NCAPD3: variants seen among roughly 807,000 people sequenced by gnomAD.
The protein encoded by NCAPD3 is condensin-2 complex subunit D3.
In NCAPD3, 105 loss-of-function variants were observed where a neutral mutation model predicts 182.9. That is an observed-to-expected ratio of 0.57 (90% CI 0.49 to 0.68). NCAPD3 has a LOEUF of 0.68. Among genes scored for constraint, NCAPD3 ranks in the 30% least tolerant of loss-of-function variants. The pLI is 0.00. For synonymous variants in NCAPD3, 815 were observed against 679.9 expected, an observed-to-expected ratio of 1.20 and a Z score of -3.09; for missense variants, 1,944 against 1,837.0, an observed-to-expected ratio of 1.06 and a Z score of -1.07.
At position 134,167,998 on chromosome 11, in the gene NCAPD3, G is replaced by C; in HGVS notation, c.3571C>G (p.Gln1191Glu). ...TCTTAGGGGAGCAACACACTCACTT[G>C]TGAGATGAGCTTCTTCTGAGCTTCC... ...MQEAQKKLIS[Q>E]VQKRNFIENI... Residue 1191 changes from glutamine to glutamate, a missense_variant and splice_region_variant, in exon 27 of 35, where the codon CAA becomes GAA. This residue lies in a region of NCAPD3 where 1,803 missense variants were observed against 1,674.6 expected (regional missense o/e 1.08). Coordinates refer to ENST00000534548, the MANE Select transcript of NCAPD3 (RefSeq NM_015261.3). 1 of 1,613,750 alleles carries C rather than the reference G, an allele frequency of 6.2e-7. No homozygotes were observed. The highest frequency in any genetic ancestry group is 1.1e-5 in the South Asian group (1 of 91,080).
At chr11:134,162,523 A>G (rs1354434470) in intron 27 of NCAPD3, among the ~76,000 whole-genome samples, 1 of 152,194 alleles carries the variant, frequency 6.6e-6, no homozygotes, top group Non-Finnish European at 1.5e-5. Flanking sequence ...TAGCCCACAT[A>G]TGCAAGATTT....
intron 3 of NCAPD3, among the ~76,000 whole-genome samples, chr11:134,215,019 C>T (rs1379530471): frequency 6.6e-6 from 1 of 152,132 alleles, no homozygotes; most frequent in Non-Finnish European, 1.5e-5. Context: ...ACACCATGAC[C>T]AAGGTCATAC....
At chr11:134,220,313 A>C (rs1938179762) in intron 2 of NCAPD3, among the ~76,000 whole-genome samples, 1 of 151,508 alleles carries the variant, frequency 6.6e-6, no homozygotes, top group Non-Finnish European at 1.5e-5. Flanking sequence ...AAGACACCAC[A>C]CCCGGCCTTA....
Position 134,204,943 on chromosome 11 carries a change from T to C in NCAPD3, c.1045A>G (p.Ile349Val), listed in dbSNP as rs748214952. ...SALVDELKESIFPVVRILLQH... is the reference protein window; with the variant it reads ...SALVDELKESVFPVVRILLQH... The stretch of plus-strand genomic sequence containing the variant: ...AGTAAGATACGGACGACTGGGAATA[T>C]ACTCTCCTTTAATTCATCCACAAGG... The change falls in exon 9 of 35, where the codon ATA becomes GTA. Residue 349 changes from isoleucine (I) to valine (V), a missense_variant. This residue lies in a region of NCAPD3 where 1,803 missense variants were observed against 1,674.6 expected (regional missense o/e 1.08). Coordinates refer to ENST00000534548, the MANE Select transcript of NCAPD3 (RefSeq NM_015261.3). The surrounding 1 kb of genome is among the most constrained non-coding windows in gnomAD (Gnocchi z 4.3). 11 of 1,613,862 alleles carry C rather than the reference T, an allele frequency of 6.8e-6. No individual in the cohort carries two copies. Among genetic ancestry groups the C allele is most frequent in the East Asian group, 2.2e-5 (1 of 44,872 alleles).
rs572688121 is a variant in NCAPD3 at position 134,158,771 on chromosome 11, TTCTA to T, written c.3868-280_3868-277del. On this transcript the variant is annotated intron_variant, in intron 29 of 34. Coordinates refer to ENST00000534548, the MANE Select transcript of NCAPD3 (RefSeq NM_015261.3). ...TGTACTGAATACTAGAACTTATTTC[TTCTA>T]TCTAACTGTATTTTGGTACCCATTA... 1.6e-3 allele frequency among the ~76,000 whole-genome samples: 251 copies of T among 152,342 alleles called. 1 individual carries two copies. The highest frequency in any genetic ancestry group is 0.014 in the Admixed American group (210 of 15,304).
intron 13 of NCAPD3, among the ~76,000 whole-genome samples, chr11:134,202,092 T>G (rs1488721199): frequency 6.6e-6 from 1 of 152,236 alleles, no homozygotes; most frequent in Non-Finnish European, 1.5e-5. Flanking sequence ...CTCACAGACT[T>G]GTGCATCTCC....
intron 15 of NCAPD3, 52 bp downstream of exon 15, chr11:134,193,960 GAATT>G: frequency 6.5e-7 from 1 of 1,530,546 alleles, no homozygotes; most frequent in Non-Finnish European, 8.9e-7. Context: ...TTATTGTGTG[GAATT>G]ACTTTTAATG....
chr11:134,184,590 C>G, intron 19 of NCAPD3, 47 bp downstream of exon 19: 1 of 1,353,014 alleles, frequency 7.4e-7, no homozygotes, highest in South Asian at 1.3e-5. Context: ...CAGTAACATC[C>G]TAAGCTCAAA....
At chr11:134,153,774 GC>G in intron 32 of NCAPD3, 1 of 236,168 alleles carries the variant, frequency 4.2e-6, no homozygotes, top group Non-Finnish European at 8.5e-6. Context: ...CTGGTTTCCA[GC>G]CAGTGACTGG....
chr11:134,187,776 A>G (rs1050894928), intron 16 of NCAPD3, among the ~76,000 whole-genome samples: 2 of 152,156 alleles, frequency 1.3e-5, no homozygotes, highest in African/African-American at 2.4e-5. Context: ...GCTTTTGTCT[A>G]TTTCACTAGA....
chr11:134,159,132 G>T (rs1017360971), intron 29 of NCAPD3, among the ~76,000 whole-genome samples: 1 of 152,200 alleles, frequency 6.6e-6, no homozygotes, highest in Non-Finnish European at 1.5e-5. Context: ...TGGGAGTGCA[G>T]GTATGTCTTC....
At position 134,152,098 on chromosome 11, in the gene NCAPD3, A is replaced by AAAT. The variant is rs1591814318; in HGVS notation, c.*843_*845dup. On this transcript the variant is annotated 3_prime_UTR_variant, in exon 35 of 35. Coordinates refer to ENST00000534548, the MANE Select transcript of NCAPD3 (RefSeq NM_015261.3). ...TTTCTTTCTGGATATTGTTGAACAA[A>AAAT]AATAGCATTCAGTTTACCCACTAGT... 1 of 152,260 alleles carries AAAT rather than the reference A, an allele frequency of 6.6e-6. No individual in the cohort carries two copies. Among genetic ancestry groups the AAAT allele is most frequent in the African/African-American group, 2.4e-5 (1 of 41,472 alleles). 9.4% of individuals were successfully genotyped at this position (152,260 alleles called of 1,614,324 possible). A position where few individuals can be genotyped will look rare whatever the true frequency, so the allele number is the denominator to read the frequency against.
intron 3 of NCAPD3, among the ~76,000 whole-genome samples, chr11:134,211,365 T>C (rs991858315): frequency 9.2e-5 from 14 of 152,116 alleles, no homozygotes; most frequent in African/African-American, 3.4e-4. Context: ...CCCAACATCC[T>C]GGCTAAGGGC....
chr11:134,178,346 G>T (rs184545140), intron 22 of NCAPD3: 1 of 239,842 alleles, frequency 4.2e-6, no homozygotes, highest in Non-Finnish European at 7.9e-6. Flanking sequence ...ACAGAAACAG[G>T]TATAATTGTA....
chr11:134,164,868 G>T (rs1313467742), intron 27 of NCAPD3, among the ~76,000 whole-genome samples: 1 of 150,276 alleles, frequency 6.7e-6, no homozygotes, highest in Non-Finnish European at 1.5e-5. Context: ...GCTTGAGGGA[G>T]CTACATACTC....
chr11:134,215,679 G>T (rs1038274118), intron 3 of NCAPD3, among the ~76,000 whole-genome samples: 1 of 152,190 alleles, frequency 6.6e-6, no homozygotes, highest in African/African-American at 2.4e-5. Context: ...CCTGCGGCTA[G>T]GGATTAGAAG....
At chr11:134,155,385 G>A (rs1408891202) in intron 32 of NCAPD3, among the ~76,000 whole-genome samples, 1 of 152,090 alleles carries the variant, frequency 6.6e-6, no homozygotes, top group Admixed American at 6.5e-5. Flanking sequence ...AGTTCTCCCA[G>A]GAAGGGGAGA....
At chr11:134,165,107 GCACA>G (rs943838670) in intron 27 of NCAPD3, among the ~76,000 whole-genome samples, 2 of 150,830 alleles carry the variant, frequency 1.3e-5, no homozygotes, top group East Asian at 4.0e-4. Context: ...TGCGGGAGCT[GCACA>G]CTCACTTGTG....
chr11:134,192,558 C>T lies in NCAPD3; in HGVS notation c.2045+131G>A, dbSNP rs1944545047. 27 of 736,000 alleles carry T rather than the reference C, an allele frequency of 3.7e-5. 2 individuals are homozygous for T. In the South Asian group the frequency reaches 4.9e-4, roughly 13 times the overall value. 45.6% of individuals were successfully genotyped at this position (736,000 alleles called of 1,614,324 possible). On this transcript the variant is annotated intron_variant, in intron 16 of 34. Coordinates refer to ENST00000534548, the MANE Select transcript of NCAPD3 (RefSeq NM_015261.3). Reference sequence around the variant, plus strand: ...TGGAAGTCAGTCAGGGAAAGAGAGACCAATACTTAATCTTCACATACACTA... The same window carrying T: ...TGGAAGTCAGTCAGGGAAAGAGAGATCAATACTTAATCTTCACATACACTA...
Sources: gnomAD v4.1 joint callset for allele counts (sites outside exome capture counted in the v4.1 genomes callset) on GRCh38, gnomAD v4.1.1 for gene constraint, gnomAD v4.1.1 regional missense constraint, Gnocchi (gnomAD v3.1) non-coding constraint, MANE v1.5 for transcripts, NCBI Gene and HGNC (gene_info 2026-07-23, HGNC 2026-07-21) for gene names.